The following CSMD3 variants were observed in gnomAD, a reference collection of about 807,000 sequenced individuals.
The protein encoded by CSMD3 is CUB and sushi domain-containing protein 3.
In CSMD3, 177 loss-of-function variants were observed where a neutral mutation model predicts 435.2. The observed-to-expected ratio is 0.41, with a 90% CI of 0.36 to 0.46. The LOEUF (loss-of-function observed/expected upper bound fraction) is 0.46, where lower values mean the gene tolerates loss of function less well. Ranked by LOEUF, CSMD3 falls within the 20% of genes least tolerant of loss-of-function variation. The pLI is 0.34. For synonymous variants in CSMD3, 1,656 were observed against 1,520.5 expected, an observed-to-expected ratio of 1.09 and a Z score of -2.07; for missense variants, 4,265 against 4,504.6, an observed-to-expected ratio of 0.95 and a Z score of 1.52.
intron 5 of CSMD3, among the ~76,000 whole-genome samples, chr8:113,020,648 G>C (rs957600544): frequency 6.6e-6 from 1 of 152,078 alleles, no homozygotes; most frequent in Admixed American, 6.6e-5. Flanking sequence ...TTCAGATTAA[G>C]GTTTCTTAAT....
intron 8 of CSMD3, among the ~76,000 whole-genome samples, chr8:112,954,468 A>C (rs1378344420): frequency 6.6e-6 from 1 of 151,624 alleles, no homozygotes; most frequent in Non-Finnish European, 1.5e-5. Context: ...AACTTTATCA[A>C]AAATAATCTG....
intron 10 of CSMD3, among the ~76,000 whole-genome samples, chr8:112,886,655 T>C (rs542467009): frequency 6.6e-6 from 1 of 151,440 alleles, no homozygotes; most frequent in South Asian, 2.1e-4. Context: ...CAACAAAACA[T>C]AGCACCTGTG....
At chr8:112,599,503 G>T (rs1364818761) in intron 22 of CSMD3, among the ~76,000 whole-genome samples, 2 of 151,862 alleles carry the variant, frequency 1.3e-5, no homozygotes, top group African/African-American at 4.8e-5. Context: ...ATTTGACCCA[G>T]CCATCCCATT....
At chr8:113,333,092 TA>T (rs890777894) in intron 1 of CSMD3, among the ~76,000 whole-genome samples, 10 of 151,604 alleles carry the variant, frequency 6.6e-5, no homozygotes, top group Non-Finnish European at 1.2e-4. Context: ...TTCAAGTATT[TA>T]AAAAAACACT....
chr8:112,776,579 T>C (rs2078251371), intron 13 of CSMD3, among the ~76,000 whole-genome samples: 1 of 151,776 alleles, frequency 6.6e-6, no homozygotes, highest in African/African-American at 2.4e-5. Context: ...TTCTTGAACA[T>C]TAATCTTCTA....
At chr8:113,160,599 C>T (rs1443653385) in intron 4 of CSMD3, among the ~76,000 whole-genome samples, 2 of 150,532 alleles carry the variant, frequency 1.3e-5, no homozygotes, top group East Asian at 3.9e-4. Flanking sequence ...AAACTGATTT[C>T]CCCAGGACCT....
At chr8:112,831,514 C>T (rs930066960) in intron 11 of CSMD3, among the ~76,000 whole-genome samples, 1 of 150,352 alleles carries the variant, frequency 6.7e-6, no homozygotes, top group African/African-American at 2.4e-5. Flanking sequence ...CATTCGTGTA[C>T]ATTGAATGCA....
intron 32 of CSMD3, 52 bp from the exon 33 acceptor site, chr8:112,409,084 G>GAAAACAA (rs1368248001): frequency 1.2e-6 from 2 of 1,607,334 alleles, no homozygotes; most frequent in East Asian, 2.2e-5. Context: ...ATCCAAAAAC[G>GAAAACAA]AAAACAAAAA....
chr8:113,361,288 T>C (rs925747724), intron 1 of CSMD3, among the ~76,000 whole-genome samples: 3 of 152,168 alleles, frequency 2.0e-5, no homozygotes, highest in African/African-American at 7.2e-5. Context: ...ATTTTAAAAA[T>C]GGCTAAGAGA....
intron 1 of CSMD3, among the ~76,000 whole-genome samples, chr8:113,421,792 A>T (rs532559448): frequency 1.1e-4 from 17 of 152,322 alleles, no homozygotes; most frequent in Non-Finnish European, 1.9e-4. Context: ...CAACTGATGT[A>T]ATACCCAGGA....
intron 13 of CSMD3, among the ~76,000 whole-genome samples, chr8:112,767,978 T>A (rs2078021177): frequency 6.6e-6 from 1 of 151,732 alleles, no homozygotes; most frequent in Admixed American, 6.6e-5. Context: ...CTGGGCCCAA[T>A]TTAGATGAAT....
chr8:112,644,379 A>G (rs970746480), intron 20 of CSMD3, among the ~76,000 whole-genome samples: 1 of 152,028 alleles, frequency 6.6e-6, no homozygotes, highest in Admixed American at 6.6e-5. Context: ...ATTATTAATC[A>G]TGCAAAATTG....
chr8:113,059,658 T>C lies in CSMD3; in HGVS notation c.917+39098A>G, dbSNP rs1264434871. 3.9e-5 allele frequency among the ~76,000 whole-genome samples: 6 copies of C among 152,338 alleles called. No homozygotes were observed. The East Asian group carries it at 1.2e-3, about 29-fold the overall frequency. On this transcript the variant is annotated intron_variant, in intron 5 of 70. Coordinates refer to ENST00000297405, the MANE Select transcript of CSMD3 (RefSeq NM_198123.2). ...TCTGAGGTTATGGTTGTATGTAAGA[T>C]GCAGATGTCATTTGCTAATTAGCTT...
At chr8:113,158,477 C>T (rs912949446) in intron 4 of CSMD3, among the ~76,000 whole-genome samples, 25 of 152,138 alleles carry the variant, frequency 1.6e-4, no homozygotes, top group African/African-American at 4.6e-4. Flanking sequence ...AGAATACCAT[C>T]ACTTGAATTG....
intron 3 of CSMD3, among the ~76,000 whole-genome samples, chr8:113,214,017 T>C (rs1237249714): frequency 6.6e-6 from 1 of 152,012 alleles, no homozygotes; most frequent in Non-Finnish European, 1.5e-5. Context: ...CTAAACTGTG[T>C]ACATAAGTTA....
chr8:112,606,849 G>A (rs980918176), intron 22 of CSMD3, among the ~76,000 whole-genome samples: 9 of 151,796 alleles, frequency 5.9e-5, no homozygotes, highest in African/African-American at 2.2e-4. Context: ...AAATGAAGGA[G>A]GAAACATACA....
chr8:113,292,136 G>A (rs1163319924), intron 2 of CSMD3, among the ~76,000 whole-genome samples: 1 of 151,438 alleles, frequency 6.6e-6, no homozygotes, highest in East Asian at 1.9e-4. Flanking sequence ...TTCTTTAGGG[G>A]ACCCATATAA....
At chr8:112,870,280 T>A (rs1279221852) in intron 10 of CSMD3, among the ~76,000 whole-genome samples, 3 of 151,588 alleles carry the variant, frequency 2.0e-5, no homozygotes, top group African/African-American at 4.8e-5. Context: ...CTATTTTTTT[T>A]TTTTTTGAGA....
At chr8:113,393,126 C>T (rs1309113401) in intron 1 of CSMD3, among the ~76,000 whole-genome samples, 1 of 151,948 alleles carries the variant, frequency 6.6e-6, no homozygotes, top group Non-Finnish European at 1.5e-5. Flanking sequence ...AAAACTACTC[C>T]TCTTTCCTTT....
Sources: allele counts gnomAD v4.1 joint callset (sites outside exome capture counted in the v4.1 genomes callset), GRCh38; gene constraint gnomAD v4.1.1; transcripts MANE v1.5; gene names NCBI Gene and HGNC (gene_info 2026-07-23, HGNC 2026-07-21).